The following FBXO34 variants were observed in gnomAD, a reference collection of about 807,000 sequenced individuals.
FBXO34 encodes F-box protein 34, also known as F-box only protein 34.
A neutral mutation model predicts 24.5 loss-of-function variants in FBXO34; 12 were observed. That is an observed-to-expected ratio of 0.49 (90% confidence interval 0.31 to 0.79). The LOEUF is 0.79. Among genes scored for constraint, FBXO34 ranks in the 30% least tolerant of loss-of-function variants. The pLI is 0.04. For missense variants in FBXO34, 823 were observed against 857.7 expected (o/e 0.96, Z 0.51); for synonymous variants, 320 against 311.9 (o/e 1.03, Z -0.27).
chr14:55,302,448 T>TTTTTG (rs1406202922), intron 1 of FBXO34, among the ~76,000 whole-genome samples: 1 of 139,064 alleles, frequency 7.2e-6, no homozygotes, highest in Non-Finnish European at 1.5e-5. Flanking sequence ...TGTAGCCTCT[T>TTTTTG]TTTTGTTTTT....
rs1566570344 is a variant in FBXO34 at position 55,353,017 on chromosome 14, C to T, written c.*491C>T. The T allele has an allele frequency of 1.2e-5, 2 of 171,604 alleles. No individual in the cohort carries two copies. Among genetic ancestry groups the T allele is most frequent in the South Asian group, 1.9e-4 (1 of 5,206 alleles). The allele number at this position is 171,604 out of a possible 1,614,324, so 10.6% of individuals were successfully genotyped here. On this transcript the variant is annotated 3_prime_UTR_variant, in exon 2 of 2. Transcript: ENST00000313833. ...AAGTCAGGCACCCCACCTTAGACCT[C>T]GTATGCTTGATCCTGTGAGATTGAT...
the FBXO34 span, chr14:55,397,312 A>T: frequency 4.2e-6 from 6 of 1,425,654 alleles, no homozygotes; most frequent in African/African-American, 1.4e-5. Context: ...ACAGCACTGA[A>T]TTCAACCAAA....
chr14:55,420,528 T>C, the FBXO34 span, among the ~76,000 whole-genome samples: 717 of 152,336 alleles, frequency 4.7e-3, 6 homozygotes, highest in African/African-American at 0.016. Context: ...TTATTTATCA[T>C]TTCAGTAGTA....
At chr14:55,325,357 A>C (rs528801812) in intron 1 of FBXO34, among the ~76,000 whole-genome samples, 1 of 152,316 alleles carries the variant, frequency 6.6e-6, no homozygotes, top group South Asian at 2.1e-4. Context: ...CAATCTGAAA[A>C]TCTGTTCTGA....
the FBXO34 span, chr14:55,436,969 T>C: frequency 3.7e-6 from 6 of 1,614,166 alleles, no homozygotes; most frequent in Non-Finnish European, 5.1e-6. Context: ...GTACATATCA[T>C]AAGGTACAAC....
chr14:55,347,325 T>A (rs1350866000), intron 1 of FBXO34, among the ~76,000 whole-genome samples: 1 of 152,116 alleles, frequency 6.6e-6, no homozygotes, highest in Non-Finnish European at 1.5e-5. Context: ...AGTTTTTGCT[T>A]TATGGATTTT....
At chr14:55,388,091 C>G in the FBXO34 span, among the ~76,000 whole-genome samples, 1 of 152,006 alleles carries the variant, frequency 6.6e-6, no homozygotes, top group Non-Finnish European at 1.5e-5. Context: ...GAGCCGAGAT[C>G]GTGCCACTGC....
intron 1 of FBXO34, among the ~76,000 whole-genome samples, chr14:55,301,447 AAC>A (rs1491049035): frequency 4.6e-5 from 7 of 152,156 alleles, no homozygotes; most frequent in African/African-American, 1.7e-4. Context: ...AAAAAAAAAA[AAC>A]AAGAAAAACT....
chr14:55,287,397 A>C (rs1881798661), intron 1 of FBXO34, among the ~76,000 whole-genome samples: 1 of 152,202 alleles, frequency 6.6e-6, no homozygotes, highest in Non-Finnish European at 1.5e-5. Context: ...ACTGATAAGC[A>C]GTCATTTTCT....
chr14:55,400,904 A>G, the FBXO34 span, among the ~76,000 whole-genome samples: 2 of 144,144 alleles, frequency 1.4e-5, no homozygotes, highest in African/African-American at 5.2e-5. Flanking sequence ...ACTGTCTCAA[A>G]TAAATAAATA....
chr14:55,391,139 C>A, the FBXO34 span: 2 of 572,726 alleles, frequency 3.5e-6, no homozygotes, highest in Non-Finnish European at 6.0e-6. Context: ...AACTATGGAA[C>A]ATTACGAAAA....
the FBXO34 span, chr14:55,382,055 T>C: frequency 1.2e-6 from 2 of 1,614,180 alleles, no homozygotes; most frequent in Non-Finnish European, 8.5e-7. Context: ...CCTGTAATGC[T>C]AATGCTGGTG....
intron 1 of FBXO34, among the ~76,000 whole-genome samples, chr14:55,343,492 G>A (rs1884059267): frequency 6.6e-6 from 1 of 151,976 alleles, no homozygotes; most frequent in South Asian, 2.1e-4. Flanking sequence ...CTCGTGATCT[G>A]CCTGCCTCGG....
At chr14:55,359,582 G>A (rs1431114699) in intron 3 of FBXO34, among the ~76,000 whole-genome samples, 2 of 152,178 alleles carry the variant, frequency 1.3e-5, no homozygotes, top group Non-Finnish European at 2.9e-5. Context: ...GATAGCTGAC[G>A]ACTGATCAGA....
At chr14:55,348,082 A>G (rs997805231) in intron 1 of FBXO34, among the ~76,000 whole-genome samples, 6 of 148,840 alleles carry the variant, frequency 4.0e-5, no homozygotes, top group Non-Finnish European at 7.5e-5. Flanking sequence ...AATGATAGAA[A>G]GCTATTAAAA....
intron 1 of FBXO34, among the ~76,000 whole-genome samples, chr14:55,319,739 A>C (rs746058869): frequency 3.9e-5 from 6 of 152,132 alleles, no homozygotes; most frequent in Non-Finnish European, 8.8e-5. Context: ...GCAGTGGCGC[A>C]ATCTCGGCTC....
At chr14:55,374,058 C>G (rs1327123187), downstream of FBXO34, among the ~76,000 whole-genome samples, 1 of 152,216 alleles carries the variant, frequency 6.6e-6, no homozygotes, top group Non-Finnish European at 1.5e-5. Flanking sequence ...CTACAGAAAA[C>G]TTCAGACCCG....
At chr14:55,302,911 C>G (rs990311586) in intron 1 of FBXO34, among the ~76,000 whole-genome samples, 7 of 152,056 alleles carry the variant, frequency 4.6e-5, no homozygotes, top group Non-Finnish European at 1.0e-4. Context: ...GATGTGTTTC[C>G]TTTTTTTGGT....
intron 1 of FBXO34, among the ~76,000 whole-genome samples, chr14:55,317,280 A>G (rs531228090): frequency 1.7e-4 from 26 of 152,308 alleles, no homozygotes; most frequent in African/African-American, 5.8e-4. Context: ...TTAAAATTAT[A>G]CAAATTTGTA....
Sources: allele counts gnomAD v4.1 joint callset (sites outside exome capture counted in the v4.1 genomes callset), GRCh38; gene constraint gnomAD v4.1.1; transcripts MANE v1.5; gene names NCBI Gene and HGNC (gene_info 2026-07-23, HGNC 2026-07-21).